Variants in RFX3 observed in about 807,000 individuals in gnomAD.
RFX3 encodes the protein transcription factor RFX3.
RFX3 carries 14 observed loss-of-function variants against 98.6 expected under a neutral mutation model. The ratio of observed to expected loss-of-function variants is 0.14; its 90% CI spans 0.09 to 0.22. RFX3 has a LOEUF of 0.22. Ranked by LOEUF, RFX3 falls within the 10% of genes least tolerant of loss-of-function variation. The pLI is 1.00. For synonymous variants in RFX3, 383 were observed against 328.4 expected, an observed-to-expected ratio of 1.17 and a Z score of -1.80; for missense variants, 639 against 926.9, an observed-to-expected ratio of 0.69 and a Z score of 4.03.
At chr9:3,352,911 G>A (rs189168648) in intron 2 of RFX3, among the ~76,000 whole-genome samples, 12 of 151,852 alleles carry the variant, frequency 7.9e-5, no homozygotes, top group Non-Finnish European at 7.4e-5. Context: ...TGTTTATTGC[G>A]GCACTATTCA....
chr9:3,265,398 G>T (rs1823493932), intron 12 of RFX3, among the ~76,000 whole-genome samples: 1 of 152,152 alleles, frequency 6.6e-6, no homozygotes, highest in African/African-American at 2.4e-5. Flanking sequence ...GGCTACTTAT[G>T]TTCCCACAGA....
intron 1 of RFX3, among the ~76,000 whole-genome samples, chr9:3,497,558 T>C (rs567298910): frequency 6.6e-6 from 1 of 151,902 alleles, no homozygotes; most frequent in South Asian, 2.1e-4. Flanking sequence ...CGAACTAGGA[T>C]GCCTCATACT....
intron 1 of RFX3, among the ~76,000 whole-genome samples, chr9:3,405,849 G>A (rs1393253631): frequency 1.3e-5 from 2 of 152,078 alleles, no homozygotes; most frequent in African/African-American, 4.8e-5. Flanking sequence ...GGCTTAGGAG[G>A]CTCTTTAGAA....
intron 7 of RFX3, among the ~76,000 whole-genome samples, chr9:3,283,894 G>A (rs761822280): frequency 1.3e-5 from 2 of 151,638 alleles, no homozygotes; most frequent in Non-Finnish European, 3.0e-5. Context: ...CTCTTTGAGG[G>A]TGGAATTCTC....
intron 12 of RFX3, 58 bp from the exon 13 acceptor site, chr9:3,263,142 C>A: frequency 6.4e-7 from 1 of 1,564,054 alleles, no homozygotes; most frequent in East Asian, 2.3e-5. Flanking sequence ...GAAACCACTG[C>A]AATTTTCAAA....
intron 1 of RFX3, among the ~76,000 whole-genome samples, chr9:3,448,380 G>A (rs1351077050): frequency 2.0e-5 from 3 of 152,082 alleles, no homozygotes; most frequent in African/African-American, 7.2e-5. Flanking sequence ...TAATTAAAAG[G>A]ACCAAATAAT....
At chr9:3,232,475 A>G (rs994273306) in intron 15 of RFX3, among the ~76,000 whole-genome samples, 1 of 152,152 alleles carries the variant, frequency 6.6e-6, no homozygotes, top group Non-Finnish European at 1.5e-5. Context: ...CACCTAATAT[A>G]TGTCTTCCCA....
At chr9:3,448,007 C>T (rs916427606) in intron 1 of RFX3, among the ~76,000 whole-genome samples, 4 of 152,092 alleles carry the variant, frequency 2.6e-5, no homozygotes, top group African/African-American at 9.7e-5. Context: ...CAAGCATTTT[C>T]ATTAAAAGGG....
chr9:3,501,137 T>G (rs1815955870), intron 1 of RFX3, among the ~76,000 whole-genome samples: 1 of 152,146 alleles, frequency 6.6e-6, no homozygotes, highest in Non-Finnish European at 1.5e-5. Context: ...CACCATGCAA[T>G]TAGCCTCTTT....
chr9:3,347,879 A>G (rs561096571), intron 2 of RFX3, among the ~76,000 whole-genome samples: 2 of 152,304 alleles, frequency 1.3e-5, no homozygotes, highest in East Asian at 3.9e-4. Flanking sequence ...AAATATTTTC[A>G]TTTGTATTTC....
chr9:3,358,310 C>G (rs1836011412), intron 2 of RFX3, among the ~76,000 whole-genome samples: 1 of 151,980 alleles, frequency 6.6e-6, no homozygotes, highest in African/African-American at 2.4e-5. Flanking sequence ...GTCTTTATGT[C>G]TGTGAAAATT....
At chr9:3,299,564 AT>A (rs2129983062) in intron 5 of RFX3, among the ~76,000 whole-genome samples, 1 of 151,662 alleles carries the variant, frequency 6.6e-6, no homozygotes, top group South Asian at 2.1e-4. Context: ...CACAATCAAC[AT>A]TTGCGCCCAC....
At chr9:3,358,537 C>T (rs1488321498) in intron 2 of RFX3, among the ~76,000 whole-genome samples, 3 of 151,984 alleles carry the variant, frequency 2.0e-5, no homozygotes, top group Non-Finnish European at 4.4e-5. Flanking sequence ...TACAGTACAA[C>T]GTAAAAATAG....
chr9:3,444,601 C>T (rs1310420773), intron 1 of RFX3, among the ~76,000 whole-genome samples: 1 of 152,154 alleles, frequency 6.6e-6, no homozygotes. Flanking sequence ...CACAACAAAG[C>T]TGTTTTTCAC....
chr9:3,505,100 G>C lies in RFX3; in HGVS notation c.-9+20647C>G, dbSNP rs933427227. ...AAAAATAAAATATTTTATATATTTA[G>C]ATTTATTTTATATTTTATTTTTATA... On this transcript the variant is annotated intron_variant, in intron 1 of 16. Coordinates refer to ENST00000617270, the MANE Select transcript of RFX3 (RefSeq NM_001282116.2). 6.5e-4 allele frequency among the ~76,000 whole-genome samples: 56 copies of C among 86,714 alleles called. No individual in the cohort carries two copies. In the South Asian group the frequency reaches 0.017, roughly 26 times the overall value. The allele number at this position is 86,714 out of a possible 152,430, so 56.9% of individuals were successfully genotyped here. A position where few individuals can be genotyped will look rare whatever the true frequency, so the allele number is the denominator to read the frequency against.
chr9:3,312,068 C>T (rs977211293), intron 4 of RFX3, among the ~76,000 whole-genome samples: 1 of 152,116 alleles, frequency 6.6e-6, no homozygotes, highest in African/African-American at 2.4e-5. Flanking sequence ...TAGGTACTGA[C>T]CAGCATTTCT....
chr9:3,513,139 T>C (rs1255871158), intron 1 of RFX3, among the ~76,000 whole-genome samples: 1 of 152,114 alleles, frequency 6.6e-6, no homozygotes, highest in African/African-American at 2.4e-5. Context: ...AATCCTTTAA[T>C]TCCTCATTCA....
At chr9:3,437,186 G>A (rs1845205455) in intron 1 of RFX3, among the ~76,000 whole-genome samples, 2 of 151,942 alleles carry the variant, frequency 1.3e-5, no homozygotes, top group South Asian at 2.1e-4. Context: ...TTCTGCAAAG[G>A]GCTCCTGCTT....
intron 2 of RFX3, among the ~76,000 whole-genome samples, chr9:3,368,215 T>A (rs1837425470): frequency 6.6e-6 from 1 of 152,090 alleles, no homozygotes; most frequent in Admixed American, 6.5e-5. Context: ...AAATCCAAAC[T>A]GATATATAGC....
Sources: gnomAD v4.1 joint callset for allele counts (sites outside exome capture counted in the v4.1 genomes callset) on GRCh38, gnomAD v4.1.1 for gene constraint, MANE v1.5 for transcripts, NCBI Gene and HGNC (gene_info 2026-07-23, HGNC 2026-07-21) for gene names.